Variants in CDH12 observed in about 807,000 individuals in gnomAD.
The protein encoded by CDH12 is cadherin-12.
In CDH12, 41 loss-of-function variants were observed where a neutral mutation model predicts 74.1. The ratio of observed to expected loss-of-function variants is 0.55; its 90% CI spans 0.43 to 0.72. CDH12 has a LOEUF of 0.72. CDH12 is among the 30% of genes least tolerant of loss of function. The probability of loss-of-function intolerance (pLI) is 0.00; values close to 1 mark genes in which losing one functional copy is unlikely to be tolerated. For synonymous variants in CDH12, 399 were observed against 355.0 expected (o/e 1.12, Z -1.39); for missense variants, 945 against 977.2 (o/e 0.97, Z 0.44).
At chr5:22,688,405 A>AT (rs1275906627) in intron 1 of CDH12, among the ~76,000 whole-genome samples, 2 of 152,196 alleles carry the variant, frequency 1.3e-5, no homozygotes, top group African/African-American at 4.8e-5. Flanking sequence ...TATTCAAATT[A>AT]TTTTCACATC....
chr5:22,829,740 A>G (rs756922403), intron 1 of CDH12, among the ~76,000 whole-genome samples: 1 of 152,220 alleles, frequency 6.6e-6, no homozygotes, highest in Non-Finnish European at 1.5e-5. Flanking sequence ...GAATAAATAC[A>G]TTGACAATGA....
chr5:22,819,179 G>A (rs1037171302), intron 1 of CDH12, among the ~76,000 whole-genome samples: 8 of 152,226 alleles, frequency 5.3e-5, no homozygotes, highest in Admixed American at 2.0e-4. Flanking sequence ...TATTGCTGAC[G>A]CAGGTAAACT....
intron 4 of CDH12, among the ~76,000 whole-genome samples, chr5:22,163,393 C>T (rs1748477625): frequency 6.6e-6 from 1 of 152,072 alleles, no homozygotes; most frequent in Non-Finnish European, 1.5e-5. Context: ...CAATATTTAC[C>T]ACTTGGATGT....
At chr5:21,997,554 A>T (rs62349087) in intron 5 of CDH12, among the ~76,000 whole-genome samples, 3,147 of 152,256 alleles carry the variant, frequency 0.021, 46 homozygotes, top group Non-Finnish European at 0.035. Context: ...TTTACTATAC[A>T]TTACACAGTT....
chr5:22,770,632 C>G (rs1388962358), intron 1 of CDH12, among the ~76,000 whole-genome samples: 7 of 152,038 alleles, frequency 4.6e-5, no homozygotes, highest in Admixed American at 1.3e-4. Flanking sequence ...AAACATATAC[C>G]TATGAGGTGC....
chr5:21,767,637 G>C (rs941616886), intron 11 of CDH12, among the ~76,000 whole-genome samples: 3 of 151,432 alleles, frequency 2.0e-5, no homozygotes, highest in African/African-American at 7.3e-5. Context: ...GCATCATTGT[G>C]GCAATACAAA....
intron 3 of CDH12, among the ~76,000 whole-genome samples, chr5:22,391,488 C>T (rs928071134): frequency 6.6e-6 from 1 of 151,792 alleles, no homozygotes; most frequent in Non-Finnish European, 1.5e-5. Context: ...ACTTCCCTGA[C>T]CATTACTTTT....
chr5:22,278,613 T>C (rs894492892), intron 3 of CDH12, among the ~76,000 whole-genome samples: 1 of 152,150 alleles, frequency 6.6e-6, no homozygotes, highest in Non-Finnish European at 1.5e-5. Context: ...TATCCGCTTA[T>C]GTAGAATATA....
chr5:22,185,413 G>A (rs1749887354), intron 4 of CDH12, among the ~76,000 whole-genome samples: 1 of 151,978 alleles, frequency 6.6e-6, no homozygotes, highest in South Asian at 2.1e-4. Flanking sequence ...TGGGCAGGCT[G>A]GTCTTTGATT....
chr5:22,640,088 T>G (rs1435006052), intron 1 of CDH12, among the ~76,000 whole-genome samples: 2 of 152,114 alleles, frequency 1.3e-5, no homozygotes, highest in African/African-American at 4.8e-5. Flanking sequence ...TATCCCTAAT[T>G]TTGATGATTT....
intron 5 of CDH12, among the ~76,000 whole-genome samples, chr5:22,012,951 G>A (rs1737384685): frequency 6.9e-6 from 1 of 144,656 alleles, no homozygotes; most frequent in African/African-American, 2.6e-5. Flanking sequence ...TCTGAATGCA[G>A]ATGCCATGTT....
chr5:22,249,175 A>T (rs945085602), intron 3 of CDH12, among the ~76,000 whole-genome samples: 3 of 152,172 alleles, frequency 2.0e-5, no homozygotes, highest in African/African-American at 4.8e-5. Flanking sequence ...ACTGGACCAT[A>T]GTGTCAATTA....
intron 5 of CDH12, among the ~76,000 whole-genome samples, chr5:22,067,646 C>T (rs1456134057): frequency 6.6e-6 from 1 of 152,110 alleles, no homozygotes; most frequent in Non-Finnish European, 1.5e-5. Flanking sequence ...TGCTGTGTGG[C>T]ATCTTTGGTT....
chr5:22,090,649 C>G (rs1001381655), intron 4 of CDH12, among the ~76,000 whole-genome samples: 1 of 151,154 alleles, frequency 6.6e-6, no homozygotes, highest in African/African-American at 2.4e-5. Context: ...ACCAATATCC[C>G]TTATGAATAT....
At chr5:22,393,426 A>G (rs936561844) in intron 3 of CDH12, among the ~76,000 whole-genome samples, 8 of 152,154 alleles carry the variant, frequency 5.3e-5, no homozygotes, top group Non-Finnish European at 2.9e-5. Flanking sequence ...GTGAGAGAAT[A>G]TATTTATCTT....
At chr5:22,507,196 C>G (rs912910462) in intron 1 of CDH12, among the ~76,000 whole-genome samples, 1 of 152,026 alleles carries the variant, frequency 6.6e-6, no homozygotes, top group African/African-American at 2.4e-5. Flanking sequence ...TAGACTGCAA[C>G]AATAAAAAGG....
chr5:22,420,802 TA>T (rs1326839664), intron 2 of CDH12, among the ~76,000 whole-genome samples: 2 of 152,194 alleles, frequency 1.3e-5, no homozygotes, highest in Non-Finnish European at 2.9e-5. Context: ...ATCTTTATGA[TA>T]TTGATTGTTT....
At chr5:21,864,924 G>GAAA (rs1210806162) in intron 6 of CDH12, among the ~76,000 whole-genome samples, 2 of 152,168 alleles carry the variant, frequency 1.3e-5, no homozygotes, top group African/African-American at 4.8e-5. Context: ...TAAGAACAAG[G>GAAA]TATTGGAAAC....
chr5:21,877,482 A>G (rs932817546), intron 6 of CDH12, among the ~76,000 whole-genome samples: 2 of 152,214 alleles, frequency 1.3e-5, no homozygotes, highest in Non-Finnish European at 2.9e-5. Context: ...TACTTAATAC[A>G]TGTCTATTGT....
Sources: allele counts gnomAD v4.1 joint callset (sites outside exome capture counted in the v4.1 genomes callset), GRCh38; gene constraint gnomAD v4.1.1; transcripts MANE v1.5; gene names NCBI Gene and HGNC (gene_info 2026-07-23, HGNC 2026-07-21).